The following ZFPM2 variants were observed in gnomAD, a reference collection of about 807,000 sequenced individuals.
ZFPM2 encodes the protein zinc finger protein ZFPM2.
In ZFPM2, 20 loss-of-function variants were observed where a neutral mutation model predicts 98.6. The ratio of observed to expected loss-of-function variants is 0.20; its 90% CI spans 0.14 to 0.29. The LOEUF is 0.29. Ranked by LOEUF, ZFPM2 falls within the 10% of genes least tolerant of loss-of-function variation. The pLI, the probability that ZFPM2 is intolerant of heterozygous loss-of-function variation, is 1.00. For missense variants in ZFPM2, 1,310 were observed against 1,388.6 expected, an observed-to-expected ratio of 0.94 and a Z score of 0.90; for synonymous variants, 518 against 502.7, an observed-to-expected ratio of 1.03 and a Z score of -0.41.
intron 1 of ZFPM2, among the ~76,000 whole-genome samples, chr8:105,385,797 AC>A (rs1410590255): frequency 6.6e-6 from 1 of 152,208 alleles, no homozygotes; most frequent in Non-Finnish European, 1.5e-5. Flanking sequence ...TGTGAAGGAC[AC>A]AGTGTGCTTC....
At chr8:105,726,538 A>G (rs576193179) in intron 5 of ZFPM2, among the ~76,000 whole-genome samples, 42 of 151,942 alleles carry the variant, frequency 2.8e-4, no homozygotes, top group African/African-American at 9.9e-4. Context: ...ACTGGTCAGT[A>G]AATAACTAGC....
intron 4 of ZFPM2, among the ~76,000 whole-genome samples, chr8:105,630,413 A>G (rs1235466512): frequency 6.6e-6 from 1 of 152,166 alleles, no homozygotes; most frequent in Non-Finnish European, 1.5e-5. Context: ...AAAGAAATTG[A>G]CTTACCTCCT....
rs561310446 is a variant in ZFPM2 at position 105,673,877 on chromosome 8, T to C, written c.532+39520T>C. On this transcript the variant is annotated intron_variant, in intron 5 of 7. Transcript: ENST00000407775. ...AATGGGAAACTGGCTGGATGAATTA[T>C]GCCTGTTCTTCAGTTCTTTCCAAAG... Among the ~76,000 whole-genome samples, 57 of 152,346 alleles carry C rather than the reference T, an allele frequency of 3.7e-4. No individual in the cohort carries two copies. In the East Asian group the frequency reaches 0.011, roughly 29 times the overall value.
intron 1 of ZFPM2, among the ~76,000 whole-genome samples, chr8:105,404,456 T>C (rs187994791): frequency 6.6e-6 from 1 of 152,076 alleles, no homozygotes; most frequent in African/African-American, 2.4e-5. Context: ...ATATAAAAGA[T>C]GTTACTGTAA....
At chr8:105,502,027 CTTACA>C (rs1813606516) in intron 3 of ZFPM2, among the ~76,000 whole-genome samples, 1 of 151,804 alleles carries the variant, frequency 6.6e-6, no homozygotes, top group Non-Finnish European at 1.5e-5. Context: ...TACATTTTTA[CTTACA>C]TTAAGAACAC....
intron 7 of ZFPM2, 60 bp downstream of exon 7, chr8:105,799,008 A>C: frequency 7.0e-7 from 1 of 1,429,074 alleles, no homozygotes; most frequent in Non-Finnish European, 9.7e-7. Flanking sequence ...TTATAAATAT[A>C]TATGCATTAC....
intron 4 of ZFPM2, among the ~76,000 whole-genome samples, chr8:105,583,050 T>G (rs1235422676): frequency 2.0e-5 from 3 of 152,186 alleles, no homozygotes; most frequent in Non-Finnish European, 2.9e-5. Flanking sequence ...TTCAACTTTG[T>G]GCTGAATCAA....
chr8:105,642,549 T>A (rs1012323629), intron 5 of ZFPM2, among the ~76,000 whole-genome samples: 4 of 152,176 alleles, frequency 2.6e-5, no homozygotes, highest in African/African-American at 9.7e-5. Flanking sequence ...TCCACAGAAT[T>A]TAAATTGTTT....
chr8:105,687,690 A>T (rs1478811646), intron 5 of ZFPM2, among the ~76,000 whole-genome samples: 2 of 152,144 alleles, frequency 1.3e-5, no homozygotes, highest in African/African-American at 4.8e-5. Flanking sequence ...ATAAAAATGG[A>T]TATCAAAATC....
chr8:105,333,957 C>CT (rs1377447289), intron 1 of ZFPM2, among the ~76,000 whole-genome samples: 14 of 151,570 alleles, frequency 9.2e-5, no homozygotes, highest in African/African-American at 3.4e-4. Context: ...CACATAGACT[C>CT]TTTTTTCACT....
At chr8:105,686,002 T>C (rs867514612) in intron 5 of ZFPM2, among the ~76,000 whole-genome samples, 7 of 152,256 alleles carry the variant, frequency 4.6e-5, no homozygotes, top group Middle Eastern at 3.4e-3. Context: ...AATCCACTTT[T>C]GATTGGAAGC....
At chr8:105,496,842 C>T (rs1428787756) in intron 3 of ZFPM2, among the ~76,000 whole-genome samples, 4 of 149,820 alleles carry the variant, frequency 2.7e-5, no homozygotes, top group African/African-American at 4.9e-5. Flanking sequence ...ATTAGCTGCG[C>T]GTGGTGGCGC....
In ZFPM2 at chr8:105,797,728, C is replaced by A. The variant is rs186105515; in HGVS notation, c.740-996C>A. ...ATCCAACCCCTCTTCTCCACCAAAC[C>A]AGCTTAATTTCATCCTTCATACCTC... On this transcript the variant is annotated intron_variant, in intron 6 of 7. Transcript: ENST00000407775. 5.9e-5 allele frequency among the ~76,000 whole-genome samples: 9 copies of A among 152,244 alleles called. No homozygotes were observed. In the East Asian group the frequency reaches 1.7e-3, roughly 30 times the overall value.
chr8:105,415,258 C>G (rs1412207038), intron 1 of ZFPM2, among the ~76,000 whole-genome samples: 1 of 152,024 alleles, frequency 6.6e-6, no homozygotes, highest in Non-Finnish European at 1.5e-5. Flanking sequence ...ACATATAGCA[C>G]CAGTGTGTTC....
chr8:105,476,823 TG>T (rs1459396821), intron 3 of ZFPM2, among the ~76,000 whole-genome samples: 1 of 145,516 alleles, frequency 6.9e-6, no homozygotes, highest in Non-Finnish European at 1.5e-5. Context: ...GGTGGGTGAT[TG>T]GGGGTACTAG....
At chr8:105,568,446 T>A (rs1206146244) in intron 4 of ZFPM2, among the ~76,000 whole-genome samples, 3 of 152,150 alleles carry the variant, frequency 2.0e-5, no homozygotes, top group African/African-American at 7.2e-5. Context: ...CACACACAGT[T>A]ACACATACCC....
At position 105,393,381 on chromosome 8, in the gene ZFPM2, T is replaced by TCTTTCCTTTCTTTCTTTC. The variant is rs1554600713; in HGVS notation, c.41-25758_41-25757insCTTTCTTTCTTTCCTTTC. 5.4e-5 allele frequency among the ~76,000 whole-genome samples: 7 copies of TCTTTCCTTTCTTTCTTTC among 130,678 alleles called. No homozygotes were observed. In the Admixed American group the frequency reaches 5.6e-4, roughly 10 times the overall value. 85.7% of individuals were successfully genotyped at this position (130,678 alleles called of 152,430 possible). On this transcript the variant is annotated intron_variant, in intron 1 of 7. Coordinates refer to ENST00000407775, the MANE Select transcript of ZFPM2 (RefSeq NM_012082.4). ...TTCTTTCTTTCTTTCTTTCTTTCTTTCTTTCTTTCTTCTTCAGAATTTAAA... is the reference window on the plus strand; with the variant it reads ...TTCTTTCTTTCTTTCTTTCTTTCTTTCTTTCCTTTCTTTCTTTCCTTTCTTTCTTCTTCAGAATTTAAA...
intron 3 of ZFPM2, among the ~76,000 whole-genome samples, chr8:105,514,056 G>A (rs1225604093): frequency 6.7e-6 from 1 of 150,374 alleles, no homozygotes. Context: ...AGGATGGAGT[G>A]CAGTGGCATG....
chr8:105,439,593 C>T (rs1812195586), intron 2 of ZFPM2, among the ~76,000 whole-genome samples: 1 of 152,134 alleles, frequency 6.6e-6, no homozygotes. Flanking sequence ...TATGCAGAAA[C>T]TAATATGGTA....
Sources: gnomAD v4.1 joint callset for allele counts (sites outside exome capture counted in the v4.1 genomes callset) on GRCh38, gnomAD v4.1.1 for gene constraint, MANE v1.5 for transcripts, NCBI Gene and HGNC (gene_info 2026-07-23, HGNC 2026-07-21) for gene names.